Variants in ZFAT observed in about 807,000 individuals in gnomAD.
The protein encoded by ZFAT is zinc finger protein ZFAT.
ZFAT carries 64 observed loss-of-function variants against 117.7 expected under a neutral mutation model. The observed-to-expected ratio is 0.54, with a 90% confidence interval of 0.44 to 0.67. The LOEUF (loss-of-function observed/expected upper bound fraction) is 0.67. Ranked by LOEUF, ZFAT falls within the 30% of genes least tolerant of loss-of-function variation. The pLI is 0.00. For missense variants in ZFAT, 1,433 were observed against 1,584.5 expected (o/e 0.90, Z 1.62); for synonymous variants, 679 against 615.0 (o/e 1.10, Z -1.54).
At chr8:134,510,082 C>T (rs557826130) in intron 14 of ZFAT, 9 of 465,146 alleles carry the variant, frequency 1.9e-5, no homozygotes, top group East Asian at 6.7e-5. Context: ...TCCTAACATG[C>T]GGACATGTGG....
At chr8:134,608,426 T>C (rs1004960387) in intron 5 of ZFAT, among the ~76,000 whole-genome samples, 1 of 152,196 alleles carries the variant, frequency 6.6e-6, no homozygotes, top group Non-Finnish European at 1.5e-5. Flanking sequence ...TTAAGCTATG[T>C]TTCTATTTCT....
chr8:134,749,012 C>T, the ZFAT span, among the ~76,000 whole-genome samples: 2 of 151,890 alleles, frequency 1.3e-5, no homozygotes, highest in South Asian at 4.2e-4. Flanking sequence ...AGCCTACTGC[C>T]AGTGCTCATT....
At chr8:134,661,100 C>T (rs997493077) in intron 1 of ZFAT, among the ~76,000 whole-genome samples, 2 of 152,224 alleles carry the variant, frequency 1.3e-5, no homozygotes, top group Non-Finnish European at 2.9e-5. Context: ...GGGTGGATAC[C>T]GATCTGGACA....
intron 5 of ZFAT, among the ~76,000 whole-genome samples, chr8:134,607,452 A>G (rs936979292): frequency 5.3e-5 from 8 of 152,264 alleles, no homozygotes; most frequent in Non-Finnish European, 1.0e-4. Flanking sequence ...CTAAAATTCT[A>G]TTAGACAGTC....
At chr8:134,509,779 T>C (rs1819677379) in intron 14 of ZFAT, 30 bp from the exon 15 acceptor site, 3 of 1,568,782 alleles carry the variant, frequency 1.9e-6, no homozygotes, top group South Asian at 1.2e-5. Flanking sequence ...GAGGACACCA[T>C]TCAGGCCACT....
In ZFAT at chr8:134,696,254, C is replaced by G. The variant is rs546121478; in HGVS notation, c.19+16591G>C. ...GCAAGGAGGCTCCCCAGACCCAGGC[C>G]GCATCTCTAGCCAACCAAGGCAGCC... On this transcript the variant is annotated intron_variant, in intron 1 of 15. Transcript: ENST00000377838. 1.8e-4 allele frequency among the ~76,000 whole-genome samples: 27 copies of G among 152,336 alleles called. No individual in the cohort carries two copies. In the South Asian group the frequency reaches 5.4e-3, roughly 30 times the overall value.
At chr8:134,482,528 CCT>C (rs1390089841) in intron 15 of ZFAT, among the ~76,000 whole-genome samples, 1 of 152,160 alleles carries the variant, frequency 6.6e-6, no homozygotes, top group Non-Finnish European at 1.5e-5. Flanking sequence ...GAGAAGTATG[CCT>C]CTCTCATTAG....
chr8:134,595,646 A>G (rs564661414), intron 7 of ZFAT, among the ~76,000 whole-genome samples: 17 of 152,340 alleles, frequency 1.1e-4, no homozygotes, highest in Admixed American at 2.6e-4. Context: ...CAGAAATGTC[A>G]CTGACTAACT....
chr8:134,772,928 C>T, the ZFAT span, among the ~76,000 whole-genome samples: 3 of 151,244 alleles, frequency 2.0e-5, no homozygotes, highest in Non-Finnish European at 4.4e-5. Context: ...AACAAAACAA[C>T]AACAACAAAA....
the ZFAT span, among the ~76,000 whole-genome samples, chr8:134,753,464 A>C: frequency 3.3e-5 from 5 of 152,222 alleles, no homozygotes; most frequent in African/African-American, 1.2e-4. Flanking sequence ...GTTAGCTTTA[A>C]GAGGTATTTA....
At chr8:134,531,496 T>C (rs1821402897) in intron 12 of ZFAT, among the ~76,000 whole-genome samples, 1 of 152,232 alleles carries the variant, frequency 6.6e-6, no homozygotes, top group Non-Finnish European at 1.5e-5. Flanking sequence ...ATGTACTGCA[T>C]GCACGTGTTT....
At chr8:134,716,747 A>T (rs549566957), upstream of ZFAT, among the ~76,000 whole-genome samples, 11 of 152,386 alleles carry the variant, frequency 7.2e-5, no homozygotes, top group East Asian at 2.1e-3. Context: ...ACTGATAAAA[A>T]GTTAACATTG....
the ZFAT span, among the ~76,000 whole-genome samples, chr8:134,742,034 C>G: frequency 5.3e-5 from 8 of 152,180 alleles, no homozygotes; most frequent in Admixed American, 3.9e-4. Context: ...ATGGGAACAG[C>G]CCTAACCAAG....
the ZFAT span, among the ~76,000 whole-genome samples, chr8:134,754,766 A>G: frequency 6.6e-6 from 1 of 152,176 alleles, no homozygotes; most frequent in Admixed American, 6.5e-5. Context: ...AGCACATCAT[A>G]TTCTCAGGGA....
At chr8:134,619,009 G>A (rs1828929127) in intron 3 of ZFAT, among the ~76,000 whole-genome samples, 1 of 152,202 alleles carries the variant, frequency 6.6e-6, no homozygotes, top group Non-Finnish European at 1.5e-5. Context: ...GTCTGGTAGA[G>A]TGCAGGCCTT....
At chr8:134,813,582 T>C in the ZFAT span, among the ~76,000 whole-genome samples, 1 of 152,004 alleles carries the variant, frequency 6.6e-6, no homozygotes, top group African/African-American at 2.4e-5. Context: ...CCAGCTAATG[T>C]TTTTGTATTT....
At chr8:134,680,157 G>A (rs986039560) in intron 1 of ZFAT, among the ~76,000 whole-genome samples, 20 of 151,352 alleles carry the variant, frequency 1.3e-4, no homozygotes, top group African/African-American at 4.9e-4. Context: ...AGCTACTTGG[G>A]AGGCTGAGGC....
the ZFAT span, among the ~76,000 whole-genome samples, chr8:134,817,151 T>C: frequency 2.6e-5 from 4 of 152,114 alleles, no homozygotes; most frequent in Non-Finnish European, 5.9e-5. Flanking sequence ...TGATTAACGA[T>C]AACAATCAGT....
the ZFAT span, among the ~76,000 whole-genome samples, chr8:134,727,970 C>T: frequency 6.6e-6 from 1 of 152,186 alleles, no homozygotes; most frequent in Non-Finnish European, 1.5e-5. Flanking sequence ...ATGGGCCAAG[C>T]AAACAGGCCA....
Sources: gnomAD v4.1 joint callset for allele counts (sites outside exome capture counted in the v4.1 genomes callset) on GRCh38, gnomAD v4.1.1 for gene constraint, MANE v1.5 for transcripts, NCBI Gene and HGNC (gene_info 2026-07-23, HGNC 2026-07-21) for gene names.